Variants in DKK2 observed in about 807,000 individuals in gnomAD.
DKK2 encodes the protein dickkopf-related protein 2.
DKK2 carries 11 observed loss-of-function variants against 28.1 expected under a neutral mutation model. That is an observed-to-expected ratio of 0.39 (90% confidence interval 0.25 to 0.65). The LOEUF (loss-of-function observed/expected upper bound fraction) is 0.65. Ranked by LOEUF, DKK2 falls within the 30% of genes least tolerant of loss-of-function variation. The probability of loss-of-function intolerance (pLI) is 0.47; values close to 1 mark genes in which losing one functional copy is unlikely to be tolerated. For missense variants in DKK2, 326 were observed against 335.5 expected, an observed-to-expected ratio of 0.97 and a Z score of 0.22; for synonymous variants, 135 against 126.5, an observed-to-expected ratio of 1.07 and a Z score of -0.45.
At chr4:106,970,592 T>C (rs1397945654) in intron 1 of DKK2, among the ~76,000 whole-genome samples, 6 of 152,094 alleles carry the variant, frequency 3.9e-5, no homozygotes, top group Non-Finnish European at 7.4e-5. Flanking sequence ...ACAGAACCTC[T>C]CAAATGATTG....
chr4:106,950,036 A>C (rs969460973), intron 1 of DKK2, among the ~76,000 whole-genome samples: 1 of 152,196 alleles, frequency 6.6e-6, no homozygotes, highest in Non-Finnish European at 1.5e-5. Flanking sequence ...AGTGTAAAAC[A>C]TGTCTTGCAT....
intron 1 of DKK2, among the ~76,000 whole-genome samples, chr4:106,927,311 G>A (rs1414416478): frequency 6.6e-6 from 1 of 151,780 alleles, no homozygotes; most frequent in Non-Finnish European, 1.5e-5. Context: ...CTGCATATAT[G>A]TCTACACATT....
chr4:106,943,455 A>C (rs191349261), intron 1 of DKK2, among the ~76,000 whole-genome samples: 45 of 152,256 alleles, frequency 3.0e-4, no homozygotes, highest in African/African-American at 1.0e-3. Context: ...CCCATCAGGA[A>C]ATGGTAAAAA....
At chr4:106,974,467 AG>A (rs1679091462) in intron 1 of DKK2, among the ~76,000 whole-genome samples, 1 of 152,084 alleles carries the variant, frequency 6.6e-6, no homozygotes, top group South Asian at 2.1e-4. Context: ...ATCCCTTGTA[AG>A]TTGTATTCCT....
At chr4:107,007,140 T>G (rs1444774820) in intron 1 of DKK2, among the ~76,000 whole-genome samples, 2 of 152,152 alleles carry the variant, frequency 1.3e-5, no homozygotes, top group Non-Finnish European at 2.9e-5. Context: ...TTTAGTGATT[T>G]TTTTCCTCCA....
intron 1 of DKK2, among the ~76,000 whole-genome samples, chr4:106,990,568 A>T (rs970418157): frequency 6.6e-6 from 1 of 152,210 alleles, no homozygotes; most frequent in Admixed American, 6.5e-5. Flanking sequence ...CCTGATTTGC[A>T]GCATTTGCTC....
At chr4:106,961,745 T>G (rs1722688237) in intron 1 of DKK2, among the ~76,000 whole-genome samples, 1 of 152,166 alleles carries the variant, frequency 6.6e-6, no homozygotes, top group African/African-American at 2.4e-5. Flanking sequence ...TTAAAAGATC[T>G]TGTACTATTT....
intron 1 of DKK2, among the ~76,000 whole-genome samples, chr4:106,986,464 T>C (rs1723122014): frequency 6.6e-6 from 1 of 152,036 alleles, no homozygotes; most frequent in Non-Finnish European, 1.5e-5. Context: ...AGTTTTGGTG[T>C]TGTCATGCAG....
chr4:106,963,498 A>G (rs528937863), intron 1 of DKK2, among the ~76,000 whole-genome samples: 1 of 152,326 alleles, frequency 6.6e-6, no homozygotes, highest in East Asian at 1.9e-4. Flanking sequence ...TCTCACCCCA[A>G]TTAAAGTGGA....
intron 1 of DKK2, among the ~76,000 whole-genome samples, chr4:106,950,181 A>C (rs1724837955): frequency 6.6e-6 from 1 of 152,184 alleles, no homozygotes; most frequent in African/African-American, 2.4e-5. Flanking sequence ...ATGCTACTTT[A>C]TTTCTTTTTA....
intron 1 of DKK2, among the ~76,000 whole-genome samples, chr4:106,990,025 CTT>C (rs1226734137): frequency 6.6e-6 from 1 of 151,916 alleles, no homozygotes; most frequent in Non-Finnish European, 1.5e-5. Flanking sequence ...TTTATATTGT[CTT>C]TGAAATTTGT....
Position 106,933,044 on chromosome 4 carries a change from A to C in DKK2, c.223-7095T>G, listed in dbSNP as rs1211887371. On this transcript the variant is annotated intron_variant, in intron 1 of 3. Transcript: ENST00000285311. ...GTTTCCCTGCTTACTTAATCATAAA[A>C]ATTCCATGGGGTTTCTTTACAAATT... 3.9e-5 allele frequency among the ~76,000 whole-genome samples: 6 copies of C among 152,294 alleles called. No individual in the cohort carries two copies. In the East Asian group the frequency reaches 7.7e-4, roughly 20 times the overall value.
rs142232275 is a variant in DKK2 at position 106,948,176 on chromosome 4, C to A, written c.223-22227G>T. On this transcript the variant is annotated intron_variant, in intron 1 of 3. Transcript: ENST00000285311. ...TAAATGTTAGAGCTAGAAACAGAAC[C>A]CAGTTTTTCTAATTGCAAATTCTCT... Among the ~76,000 whole-genome samples, 362 of 152,098 alleles carry A rather than the reference C, an allele frequency of 2.4e-3. 1 individual carries two copies. Among genetic ancestry groups the A allele is most frequent in the African/African-American group, 8.2e-3 (339 of 41,504 alleles).
At chr4:106,991,831 G>T (rs1158386911) in intron 1 of DKK2, among the ~76,000 whole-genome samples, 1 of 152,050 alleles carries the variant, frequency 6.6e-6, no homozygotes, top group Non-Finnish European at 1.5e-5. Context: ...GCTTTTCGAA[G>T]GCTTCATATT....
chr4:106,962,805 C>T (rs1004772313), intron 1 of DKK2, among the ~76,000 whole-genome samples: 2 of 151,728 alleles, frequency 1.3e-5, no homozygotes, highest in Non-Finnish European at 2.9e-5. Context: ...AAACAATCAA[C>T]AAAGTGAAGA....
chr4:107,033,634 T>C (rs1013267989), intron 1 of DKK2, among the ~76,000 whole-genome samples: 1 of 152,010 alleles, frequency 6.6e-6, no homozygotes, highest in African/African-American at 2.4e-5. Context: ...AGAAAATACA[T>C]AGATTAGAAT....
chr4:106,964,697 T>A (rs756648832), intron 1 of DKK2, among the ~76,000 whole-genome samples: 4 of 152,114 alleles, frequency 2.6e-5, no homozygotes, highest in Non-Finnish European at 5.9e-5. Context: ...ATCAGTTTTC[T>A]TTAAGTGAAG....
intron 1 of DKK2, among the ~76,000 whole-genome samples, chr4:106,969,224 G>A (rs1236113209): frequency 6.6e-6 from 1 of 151,198 alleles, no homozygotes; most frequent in East Asian, 2.0e-4. Flanking sequence ...TCCAGTTTGG[G>A]ACCCCTCTTT....
chr4:106,994,862 C>T (rs1181947507), intron 1 of DKK2, among the ~76,000 whole-genome samples: 3 of 152,230 alleles, frequency 2.0e-5, no homozygotes, highest in Non-Finnish European at 4.4e-5. Context: ...TTGGCCAACA[C>T]ATGGGGCACA....
Sources: allele counts gnomAD v4.1 joint callset (sites outside exome capture counted in the v4.1 genomes callset), GRCh38; gene constraint gnomAD v4.1.1; transcripts MANE v1.5; gene names NCBI Gene and HGNC (gene_info 2026-07-23, HGNC 2026-07-21).